The following TSPEAR variants were observed in gnomAD, a reference collection of about 807,000 sequenced individuals.
The protein encoded by TSPEAR is thrombospondin type laminin G domain and EAR repeats, also known as thrombospondin-type laminin G domain and EAR repeat-containing protein.
Under a neutral mutation model 71.6 loss-of-function variants are expected in TSPEAR, and 69 were observed. That is an observed-to-expected ratio of 0.96 (90% CI 0.79 to 1.18). The LOEUF (loss-of-function observed/expected upper bound fraction) is 1.18. TSPEAR is among the 50% of genes most tolerant of loss of function. The probability of loss-of-function intolerance (pLI) is 0.00; values close to 1 mark genes in which losing one functional copy is unlikely to be tolerated. For missense variants in TSPEAR, 971 were observed against 894.9 expected (o/e 1.09, Z -1.09); for synonymous variants, 402 against 387.2 (o/e 1.04, Z -0.45).
At chr21:44,580,718 G>A (rs904746289) in intron 1 of TSPEAR, 5 of 842,896 alleles carry the variant, frequency 5.9e-6, no homozygotes, top group African/African-American at 5.1e-5. Flanking sequence ...GTGTTGTCCC[G>A]ACAGGAGGCT....
In TSPEAR at chr21:44,627,325, C is replaced by T. The variant is rs200464122; in HGVS notation, c.83-59320G>A. 217 of 1,613,018 alleles carry T rather than the reference C, an allele frequency of 1.3e-4. 1 individual carries two copies. The East Asian group carries it at 1.6e-3, about 12-fold the overall frequency. On this transcript the variant is annotated intron_variant, in intron 1 of 11. Coordinates refer to ENST00000323084, the MANE Select transcript of TSPEAR (RefSeq NM_144991.3). Reference sequence around the variant, plus strand: ...GACCCTGGTCTGCACCCCAGTGAGCCGTGTATCCAGCCCCTGCTGCCAGGT... The same window carrying T: ...GACCCTGGTCTGCACCCCAGTGAGCTGTGTATCCAGCCCCTGCTGCCAGGT...
intron 1 of TSPEAR, among the ~76,000 whole-genome samples, chr21:44,600,223 G>A (rs1325045555): frequency 6.6e-6 from 1 of 152,068 alleles, no homozygotes; most frequent in African/African-American, 2.4e-5. Flanking sequence ...GTCCCCTGGC[G>A]ATGGCCCACA....
In TSPEAR at chr21:44,588,537, G is replaced by A. The variant is rs587629322; in HGVS notation, c.83-20532C>T. On this transcript the variant is annotated intron_variant, in intron 1 of 11. Coordinates refer to ENST00000323084, the MANE Select transcript of TSPEAR (RefSeq NM_144991.3). ...AAATCCACTACTGGGTATCTACCCG[G>A]AGGAAAAGACGTCATTATACAAAAA... Among the ~76,000 whole-genome samples the A allele has an allele frequency of 1.1e-4, 17 of 152,040 alleles. No individual in the cohort carries two copies. The South Asian group carries it at 3.1e-3, about 28-fold the overall frequency.
intron 1 of TSPEAR, among the ~76,000 whole-genome samples, chr21:44,709,139 C>A (rs1323440558): frequency 6.6e-6 from 1 of 152,200 alleles, no homozygotes; most frequent in Non-Finnish European, 1.5e-5. Flanking sequence ...CCAGTGACCC[C>A]GCCCACTGGG....
intron 3 of TSPEAR, among the ~76,000 whole-genome samples, chr21:44,531,526 C>T (rs1473178529): frequency 6.6e-6 from 1 of 152,236 alleles, no homozygotes; most frequent in Non-Finnish European, 1.5e-5. Context: ...ACTGCAAAGA[C>T]TCTGTTTCCA....
At chr21:44,677,893 C>T in intron 1 of TSPEAR, 1 of 1,395,708 alleles carries the variant, frequency 7.2e-7, no homozygotes. Context: ...GCCCATTTGG[C>T]ATATAGGATA....
Position 44,639,732 on chromosome 21 carries a change from A to T in TSPEAR, c.82+71701T>A, listed in dbSNP as rs587683595. Reference sequence around the variant, plus strand: ...GAGCCCCACATCACTGTGCTCACTGATGGCCACAGGGTCAGAACAGAGAGC... The same window carrying T: ...GAGCCCCACATCACTGTGCTCACTGTTGGCCACAGGGTCAGAACAGAGAGC... On this transcript the variant is annotated intron_variant, in intron 1 of 11. Coordinates refer to ENST00000323084, the MANE Select transcript of TSPEAR (RefSeq NM_144991.3). 2.6e-4 allele frequency among the ~76,000 whole-genome samples: 40 copies of T among 152,240 alleles called. No individual in the cohort carries two copies. In the Middle Eastern group the frequency reaches 0.014, roughly 52 times the overall value.
chr21:44,575,171 C>T, intron 1 of TSPEAR: 3 of 823,994 alleles, frequency 3.6e-6, no homozygotes, highest in Non-Finnish European at 5.7e-6. Flanking sequence ...ATACTCAATG[C>T]TGCAGCCCTC....
At chr21:44,525,102 G>A (rs2052824325) in intron 8 of TSPEAR, among the ~76,000 whole-genome samples, 2 of 151,564 alleles carry the variant, frequency 1.3e-5, no homozygotes, top group South Asian at 4.2e-4. Flanking sequence ...CATTCAGGTT[G>A]TCAGTCAGCC....
chr21:44,584,502 CTG>C (rs1472097874), intron 1 of TSPEAR, among the ~76,000 whole-genome samples: 4 of 152,200 alleles, frequency 2.6e-5, no homozygotes, highest in African/African-American at 9.7e-5. Context: ...AGCTTTGACA[CTG>C]TCTTCCATAA....
intron 8 of TSPEAR, among the ~76,000 whole-genome samples, chr21:44,524,709 GTAGT>G (rs1201123341): frequency 2.0e-5 from 3 of 151,690 alleles, no homozygotes; most frequent in African/African-American, 7.3e-5. Flanking sequence ...AGTTAATCAG[GTAGT>G]TAGGTAATCA....
intron 1 of TSPEAR, chr21:44,697,813 ACCCG>A (rs782015236): frequency 1.2e-6 from 2 of 1,608,832 alleles, no homozygotes; most frequent in South Asian, 1.1e-5. Flanking sequence ...CTGTGTGCAG[ACCCG>A]CCCGCCGCGT....
At chr21:44,600,848 C>A in intron 1 of TSPEAR, 1 of 1,609,414 alleles carries the variant, frequency 6.2e-7, no homozygotes. Context: ...GAGCCCAGCC[C>A]CTGCCAATCA....
intron 1 of TSPEAR, among the ~76,000 whole-genome samples, chr21:44,700,505 C>G (rs1272013104): frequency 6.6e-6 from 1 of 152,170 alleles, no homozygotes; most frequent in Admixed American, 6.5e-5. Context: ...AAACAGCACA[C>G]AGTGAGAGGG....
At chr21:44,613,746 T>C (rs1276201462) in intron 1 of TSPEAR, among the ~76,000 whole-genome samples, 2 of 152,040 alleles carry the variant, frequency 1.3e-5, no homozygotes, top group Admixed American at 6.6e-5. Context: ...AAAAGCATCA[T>C]GGGGTGGGTG....
chr21:44,594,055 G>A (rs587741519), intron 1 of TSPEAR, among the ~76,000 whole-genome samples: 1 of 152,232 alleles, frequency 6.6e-6, no homozygotes, highest in African/African-American at 2.4e-5. Context: ...GCCTCATTGC[G>A]ACCCATTGAC....
chr21:44,527,224 G>T (rs1197803984), intron 7 of TSPEAR, 68 bp downstream of exon 7: 2 of 1,544,316 alleles, frequency 1.3e-6, no homozygotes, highest in African/African-American at 1.4e-5. Context: ...AGTGTAGGGG[G>T]CCCCGCCTGT....
intron 1 of TSPEAR, chr21:44,702,783 C>T: frequency 7.8e-7 from 1 of 1,286,370 alleles, no homozygotes. Context: ...TCTGCTCAGG[C>T]CAGAAGCCCA....
chr21:44,568,634 G>C (rs2053739642), intron 1 of TSPEAR, among the ~76,000 whole-genome samples: 1 of 152,062 alleles, frequency 6.6e-6, no homozygotes, highest in Non-Finnish European at 1.5e-5. Flanking sequence ...GGAGGAAAAT[G>C]GGAAGCATGG....
Sources: allele counts gnomAD v4.1 joint callset (sites outside exome capture counted in the v4.1 genomes callset), GRCh38; gene constraint gnomAD v4.1.1; transcripts MANE v1.5; gene names NCBI Gene and HGNC (gene_info 2026-07-23, HGNC 2026-07-21).